Variants in CENPE observed in about 807,000 individuals in gnomAD.
CENPE encodes the protein centromere protein E.
In CENPE, 145 loss-of-function variants were observed where a neutral mutation model predicts 336.1. The ratio of observed to expected loss-of-function variants is 0.43; its 90% CI spans 0.38 to 0.50. The LOEUF (loss-of-function observed/expected upper bound fraction) is 0.50. CENPE is among the 20% of genes least tolerant of loss of function. CENPE has a pLI of 0.00. For synonymous variants in CENPE, 1,013 were observed against 984.8 expected, an observed-to-expected ratio of 1.03 and a Z score of -0.54; for missense variants, 2,719 against 3,023.3, an observed-to-expected ratio of 0.90 and a Z score of 2.36.
chr4:103,148,279 A>G (rs1247003567), intron 28 of CENPE, among the ~76,000 whole-genome samples: 1 of 152,178 alleles, frequency 6.6e-6, no homozygotes, highest in East Asian at 1.9e-4. Context: ...AGCTGAGCAA[A>G]CTATATCCCA....
At chr4:103,153,716 AGTTT>A (rs1753746486) in intron 24 of CENPE, among the ~76,000 whole-genome samples, 1 of 152,174 alleles carries the variant, frequency 6.6e-6, no homozygotes, top group Non-Finnish European at 1.5e-5. Context: ...TTCTAGTAGT[AGTTT>A]GTTTATTTAC....
intron 42 of CENPE, among the ~76,000 whole-genome samples, chr4:103,131,493 C>T (rs1368836667): frequency 1.3e-5 from 2 of 152,174 alleles, no homozygotes; most frequent in African/African-American, 2.4e-5. Flanking sequence ...GAATTTTATT[C>T]ATTGCTGGTG....
At chr4:103,126,202 A>G (rs1355463673) in intron 42 of CENPE, among the ~76,000 whole-genome samples, 1 of 152,176 alleles carries the variant, frequency 6.6e-6, no homozygotes, top group Non-Finnish European at 1.5e-5. Context: ...CCAAGTCATC[A>G]CAGTTAATAT....
Position 103,159,192 on chromosome 4 carries a change from T to G in CENPE, c.2419A>C (p.Thr807Pro), listed in dbSNP as rs1236713639. 6.2e-7 allele frequency: 1 copy of G among 1,612,930 alleles called. No homozygotes were observed. Among genetic ancestry groups the G allele is most frequent in the South Asian group, 1.1e-5 (1 of 91,010 alleles). The change falls in exon 22 of 49, where the codon ACT becomes CCT. Residue 807 changes from threonine (T) to proline (P), a missense_variant. Thr to Pro is a conservative substitution (Grantham distance 38). This residue lies in a region of CENPE where 2,437 missense variants were observed against 2,513.3 expected (regional missense o/e 0.97). Transcript: ENST00000265148. Reference sequence around the variant, plus strand: ...GTGCTTTTATAATTCGACTGTGTAGTTGCTAGGTCATCTTTTGTTTTCCCA... The same window carrying G: ...GTGCTTTTATAATTCGACTGTGTAGGTGCTAGGTCATCTTTTGTTTTCCCA... ...EIGKTKDDLATTQSNYKSTDQ... is the reference protein window; with the variant it reads ...EIGKTKDDLAPTQSNYKSTDQ...
intron 8 of CENPE, among the ~76,000 whole-genome samples, chr4:103,193,065 A>G (rs2126054695): frequency 6.6e-6 from 1 of 152,058 alleles, no homozygotes; most frequent in Admixed American, 6.5e-5. Context: ...GACAGAGATG[A>G]CTCTTTAGAG....
chr4:103,153,340 G>T (rs1753714678), intron 24 of CENPE, 90 bp from the exon 25 acceptor site: 8 of 770,078 alleles, frequency 1.0e-5, no homozygotes, highest in Non-Finnish European at 1.7e-5. Flanking sequence ...TCTATTATGT[G>T]CCAGGTACTA....
intron 11 of CENPE, chr4:103,182,029 T>A (rs758558821): frequency 6.6e-6 from 1 of 152,252 alleles, no homozygotes; most frequent in Non-Finnish European, 1.5e-5. Context: ...TTAGATAACA[T>A]TGAATCCTTC....
intron 26 of CENPE, 80 bp from the exon 27 acceptor site, chr4:103,149,488 T>C: frequency 8.1e-7 from 1 of 1,230,572 alleles, no homozygotes; most frequent in Non-Finnish European, 1.1e-6. Context: ...CAGCCTTGCC[T>C]CCTATCAGCA....
chr4:103,163,267 C>A lies in CENPE; in HGVS notation c.1723-11G>T. ...TGAACTGAGTTCATTCTAAAAGAATCAAAGGAGAGAGTAACAATTTAGAAT... is the reference window on the plus strand; with the variant it reads ...TGAACTGAGTTCATTCTAAAAGAATAAAAGGAGAGAGTAACAATTTAGAAT... On this transcript the variant is annotated splice_polypyrimidine_tract_variant and intron_variant, in intron 17 of 48. Transcript: ENST00000265148. 6.3e-7 allele frequency: 1 copy of A among 1,598,592 alleles called. No homozygotes were observed. The highest frequency in any genetic ancestry group is 1.1e-5 in the South Asian group (1 of 89,014).
Position 103,122,851 on chromosome 4 carries a change from T to C in CENPE, c.7143+20A>G, listed in dbSNP as rs369346246. On this transcript the variant is annotated intron_variant, in intron 43 of 48. Coordinates refer to ENST00000265148, the MANE Select transcript of CENPE (RefSeq NM_001813.3). ...TGATGAAGCTGCAAACTGAAGAACA[T>C]TTTATAAGAAATTATATACCTCTGT... is the stretch of plus-strand genomic sequence containing the variant. 4 of 1,573,312 alleles carry C rather than the reference T, an allele frequency of 2.5e-6. No homozygotes were observed. The African/African-American group carries it at 5.4e-5, about 21-fold the overall frequency.
chr4:103,171,419 C>CACTG (rs1446504677), intron 16 of CENPE, among the ~76,000 whole-genome samples: 9 of 151,802 alleles, frequency 5.9e-5, no homozygotes, highest in African/African-American at 2.2e-4. Context: ...CCTGAACAAC[C>CACTG]ACTGGGTTAA....
chr4:103,174,663 C>T, intron 16 of CENPE, 73 bp downstream of exon 16: 1 of 1,099,882 alleles, frequency 9.1e-7, no homozygotes, highest in Non-Finnish European at 1.2e-6. Flanking sequence ...AAAAAGCTTA[C>T]ATTATAGAAA....
At position 103,109,066 on chromosome 4, in the gene CENPE, T is replaced by A; in HGVS notation, c.7748A>T (p.Glu2583Val). The change falls in exon 48 of 49, where the codon GAG (glutamate) becomes GTG (valine). Residue 2583 changes from glutamate to valine, a missense_variant. Glu to Val is a moderately radical substitution (Grantham distance 121, BLOSUM62 -2). Transcript: ENST00000265148. ...GGTTCTTTCCTTCCAAGTTTTGACCTCATTGGAAAGATGCTGATTATTGCT... is the reference window on the plus strand; with the variant it reads ...GGTTCTTTCCTTCCAAGTTTTGACCACATTGGAAAGATGCTGATTATTGCT... The part of the protein sequence containing the change: ...LLSNNQHLSN[E>V]VKTWKERTLK... The A allele has an allele frequency of 6.2e-7, 1 of 1,611,320 alleles. No homozygotes were observed. Among genetic ancestry groups the A allele is most frequent in the Non-Finnish European group, 8.5e-7 (1 of 1,179,080 alleles).
At position 103,140,132 on chromosome 4, in the gene CENPE, C is replaced by A. The variant is rs563110294; in HGVS notation, c.5914-53G>T. ...ATGTAAGCAGTTTCTTCAAGGAAGG[C>A]AAATAGTGTCTACTTGTGTTCTATA... On this transcript the variant is annotated intron_variant, in intron 37 of 48. Coordinates refer to ENST00000265148, the MANE Select transcript of CENPE (RefSeq NM_001813.3). The A allele has an allele frequency of 8.7e-6, 13 of 1,486,650 alleles. No homozygotes were observed. In the South Asian group the frequency reaches 1.7e-4, roughly 19 times the overall value. The allele number at this position is 1,486,650 out of a possible 1,614,324, so 92.1% of individuals were successfully genotyped here.
intron 42 of CENPE, among the ~76,000 whole-genome samples, chr4:103,127,916 T>C (rs1751266561): frequency 6.6e-6 from 1 of 152,106 alleles, no homozygotes; most frequent in Non-Finnish European, 1.5e-5. Context: ...TAGATATTAA[T>C]CCAATTATAT....
chr4:103,177,782 TG>T (rs1183646448), intron 13 of CENPE, among the ~76,000 whole-genome samples: 3 of 151,896 alleles, frequency 2.0e-5, no homozygotes, highest in Admixed American at 6.6e-5. Flanking sequence ...GCTGTCCTTC[TG>T]CTTGAAATGG....
At chr4:103,187,641 G>A (rs1756905598) in intron 8 of CENPE, among the ~76,000 whole-genome samples, 1 of 152,286 alleles carries the variant, frequency 6.6e-6, no homozygotes, top group Non-Finnish European at 1.5e-5. Context: ...AAGAGCTCCT[G>A]AAGGAAGCAC....
intron 43 of CENPE, among the ~76,000 whole-genome samples, chr4:103,121,796 A>G (rs1229749144): frequency 1.3e-5 from 2 of 152,108 alleles, no homozygotes; most frequent in Non-Finnish European, 2.9e-5. Context: ...CCTAGGCTCA[A>G]GTAATCCTCC....
intron 42 of CENPE, among the ~76,000 whole-genome samples, chr4:103,124,691 T>G (rs1293319923): frequency 2.0e-5 from 3 of 152,220 alleles, no homozygotes; most frequent in African/African-American, 4.8e-5. Context: ...TATTGATATC[T>G]TTTTTACTTC....
Sources: allele counts gnomAD v4.1 joint callset (sites outside exome capture counted in the v4.1 genomes callset), GRCh38; gene constraint gnomAD v4.1.1; regional missense constraint gnomAD v4.1.1; transcripts MANE v1.5; gene names NCBI Gene and HGNC (gene_info 2026-07-23, HGNC 2026-07-21).